The following CAMKMT variants were observed in gnomAD, a reference collection of about 807,000 sequenced individuals.
CAMKMT encodes the protein CaM KMT.
A neutral mutation model predicts 48.0 loss-of-function variants in CAMKMT; 53 were observed. The ratio of observed to expected loss-of-function variants is 1.10; its 90% CI spans 0.89 to 1.39. CAMKMT has a LOEUF of 1.39. Among genes scored for constraint, CAMKMT ranks in the 40% most tolerant of loss-of-function variants. The pLI, the probability that CAMKMT is intolerant of heterozygous loss-of-function variation, is 0.00. For synonymous variants in CAMKMT, 165 were observed against 152.3 expected, an observed-to-expected ratio of 1.08 and a Z score of -0.61; for missense variants, 428 against 402.7, an observed-to-expected ratio of 1.06 and a Z score of -0.54.
intron 3 of CAMKMT, among the ~76,000 whole-genome samples, chr2:44,695,415 C>T (rs545174910): frequency 7.9e-4 from 121 of 152,292 alleles, no homozygotes; most frequent in Non-Finnish European, 1.3e-3. Context: ...TATGAAGTCC[C>T]CCTACTCACT....
intron 3 of CAMKMT, among the ~76,000 whole-genome samples, chr2:44,430,572 G>A (rs1378917479): frequency 2.0e-5 from 3 of 151,304 alleles, no homozygotes; most frequent in Non-Finnish European, 2.9e-5. Flanking sequence ...ATTCAACCCT[G>A]GGGCTCCCAT....
At chr2:44,766,337 T>G in intron 9 of CAMKMT, 93 bp from the exon 10 acceptor site, 31 of 1,396,496 alleles carry the variant, frequency 2.2e-5, no homozygotes, top group Non-Finnish European at 3.0e-5. Context: ...TTTTTCTACT[T>G]GAGAGCAGTA....
intron 3 of CAMKMT, among the ~76,000 whole-genome samples, chr2:44,611,841 C>A (rs922131691): frequency 1.3e-5 from 2 of 151,880 alleles, no homozygotes; most frequent in Non-Finnish European, 2.9e-5. Flanking sequence ...AAAGCAGGAG[C>A]AAATGAGGTT....
chr2:44,695,788 C>T (rs1676910049), intron 3 of CAMKMT, among the ~76,000 whole-genome samples: 1 of 151,886 alleles, frequency 6.6e-6, no homozygotes, highest in Non-Finnish European at 1.5e-5. Flanking sequence ...AGAATCAACC[C>T]AATTTAAACT....
intron 3 of CAMKMT, among the ~76,000 whole-genome samples, chr2:44,613,769 A>C (rs1671722015): frequency 6.6e-6 from 1 of 152,188 alleles, no homozygotes; most frequent in Admixed American, 6.5e-5. Flanking sequence ...TAGGGAGATT[A>C]AGTCCATATC....
At chr2:44,766,039 G>A (rs1323679821) in intron 9 of CAMKMT, among the ~76,000 whole-genome samples, 7 of 152,160 alleles carry the variant, frequency 4.6e-5, no homozygotes, top group Non-Finnish European at 7.3e-5. Flanking sequence ...ACTGTGTTGG[G>A]GAAGCGTTGG....
intron 3 of CAMKMT, among the ~76,000 whole-genome samples, chr2:44,535,014 GGAGA>G (rs151262006): frequency 5.4e-5 from 8 of 148,762 alleles, no homozygotes; most frequent in Admixed American, 1.3e-4. Flanking sequence ...GGGGAGAGGG[GGAGA>G]GAGAGAGAGA....
intron 6 of CAMKMT, among the ~76,000 whole-genome samples, chr2:44,708,210 G>GTTTTTTTTTT (rs1558809421): frequency 5.7e-5 from 1 of 17,670 alleles, no homozygotes; most frequent in Admixed American, 4.0e-4. Flanking sequence ...GTTTGCTTTG[G>GTTTTTTTTTT]ATTTTTTTTT....
intron 3 of CAMKMT, among the ~76,000 whole-genome samples, chr2:44,512,066 G>A (rs74950235): frequency 0.01 from 1,526 of 152,260 alleles, 7 homozygotes; most frequent in South Asian, 0.018. Flanking sequence ...TTGTTCTTCC[G>A]ATTGCGTCTT....
chr2:44,573,896 C>G (rs1435098330), intron 3 of CAMKMT, among the ~76,000 whole-genome samples: 1 of 152,104 alleles, frequency 6.6e-6, no homozygotes, highest in African/African-American at 2.4e-5. Context: ...TCTGAATACT[C>G]TATTATGTCT....
At chr2:44,599,270 C>T (rs909544567) in intron 3 of CAMKMT, among the ~76,000 whole-genome samples, 1 of 152,020 alleles carries the variant, frequency 6.6e-6, no homozygotes, top group African/African-American at 2.4e-5. Flanking sequence ...TAGAAAGTGA[C>T]ACTTCATAAT....
intron 3 of CAMKMT, among the ~76,000 whole-genome samples, chr2:44,694,603 A>G (rs1676837784): frequency 1.3e-5 from 2 of 152,212 alleles, no homozygotes; most frequent in African/African-American, 4.8e-5. Context: ...CTACTTCACT[A>G]ACAATAACAA....
intron 3 of CAMKMT, among the ~76,000 whole-genome samples, chr2:44,672,958 C>G (rs1178671892): frequency 6.6e-6 from 1 of 152,156 alleles, no homozygotes; most frequent in East Asian, 1.9e-4. Flanking sequence ...CCTTGGTTAT[C>G]TGTAATTTTC....
chr2:44,736,964 C>T (rs932701949), intron 7 of CAMKMT, among the ~76,000 whole-genome samples: 25 of 152,066 alleles, frequency 1.6e-4, no homozygotes, highest in Admixed American at 1.4e-3. Flanking sequence ...TGTCAGTTTT[C>T]GATTGAGTTC....
intron 8 of CAMKMT, among the ~76,000 whole-genome samples, chr2:44,749,397 A>G (rs1460699887): frequency 1.3e-5 from 2 of 152,166 alleles, no homozygotes; most frequent in East Asian, 1.9e-4. Flanking sequence ...AAGCTCCTCA[A>G]TTCCAAGGAC....
intron 3 of CAMKMT, among the ~76,000 whole-genome samples, chr2:44,626,945 T>C (rs943638425): frequency 2.6e-5 from 4 of 152,212 alleles, no homozygotes; most frequent in African/African-American, 9.6e-5. Context: ...TATCCTTGCC[T>C]CGTTTCTGAT....
chr2:44,450,890 A>G (rs1366218601), intron 3 of CAMKMT, among the ~76,000 whole-genome samples: 2 of 152,122 alleles, frequency 1.3e-5, no homozygotes, highest in African/African-American at 4.8e-5. Context: ...TTTATCAAAG[A>G]TTATTTGAGC....
Position 44,507,760 on chromosome 2 carries a change from A to T in CAMKMT, c.376+117455A>T, listed in dbSNP as rs562106027. Among the ~76,000 whole-genome samples the T allele has an allele frequency of 4.6e-4, 70 of 152,302 alleles. 1 individual carries two copies. Among genetic ancestry groups the T allele is most frequent in the African/African-American group, 1.6e-3 (68 of 41,562 alleles). The stretch of plus-strand genomic sequence containing the variant: ...GTGCTACTCAAAGCACTAGACTGAG[A>T]GGAGTTTAGCAGCTTGTACCAGAAT... On this transcript the variant is annotated intron_variant, in intron 3 of 10. Transcript: ENST00000378494.
chr2:44,656,014 A>C (rs1240154175), intron 3 of CAMKMT, among the ~76,000 whole-genome samples: 2 of 152,210 alleles, frequency 1.3e-5, no homozygotes, highest in African/African-American at 4.8e-5. Flanking sequence ...TGGGGAGGGT[A>C]GGCAAAACAT....
Sources: gnomAD v4.1 joint callset for allele counts (sites outside exome capture counted in the v4.1 genomes callset) on GRCh38, gnomAD v4.1.1 for gene constraint, MANE v1.5 for transcripts, NCBI Gene and HGNC (gene_info 2026-07-23, HGNC 2026-07-21) for gene names.